TRIM44: variants seen among roughly 807,000 people sequenced by gnomAD.
TRIM44 encodes tripartite motif-containing protein 44.
In TRIM44, 13 loss-of-function variants were observed where a neutral mutation model predicts 37.4. That is an observed-to-expected ratio of 0.35 (90% CI 0.23 to 0.55). The LOEUF (loss-of-function observed/expected upper bound fraction) is 0.55. TRIM44 is among the 20% of genes least tolerant of loss of function. TRIM44 has a pLI of 0.89. For synonymous variants in TRIM44, 175 were observed against 157.2 expected (o/e 1.11, Z -0.85); for missense variants, 426 against 437.2 (o/e 0.97, Z 0.23).
At chr11:35,711,981 G>A (rs1232232271) in intron 2 of TRIM44, among the ~76,000 whole-genome samples, 1 of 152,130 alleles carries the variant, frequency 6.6e-6, no homozygotes, top group African/African-American at 2.4e-5. Context: ...GACACCAATT[G>A]CATGTTTTAA....
At chr11:35,764,424 A>G (rs1486429004) in intron 4 of TRIM44, among the ~76,000 whole-genome samples, 1 of 152,112 alleles carries the variant, frequency 6.6e-6, no homozygotes, top group Non-Finnish European at 1.5e-5. Flanking sequence ...TTAGTCGGAG[A>G]GGCGGCAGAA....
Position 35,663,003 on chromosome 11 carries a change from A to G in TRIM44, c.-109A>G. 1 of 1,412,916 alleles carries G rather than the reference A, an allele frequency of 7.1e-7. No individual in the cohort carries two copies. Among genetic ancestry groups the G allele is most frequent in the Non-Finnish European group, 9.2e-7 (1 of 1,088,848 alleles). The allele number at this position is 1,412,916 out of a possible 1,614,324, so 87.5% of individuals were successfully genotyped here. A position where few individuals can be genotyped will look rare whatever the true frequency, so the allele number is the denominator to read the frequency against. On this transcript the variant is annotated 5_prime_UTR_variant, in exon 1 of 5. Transcript: ENST00000299413. ...CGAGACGCGGCGCGGTCCAGGCGGG[A>G]GGCGACTCCCTAGGAAGGGACCCGG...
At chr11:35,666,451 A>T (rs1004885172) in intron 1 of TRIM44, among the ~76,000 whole-genome samples, 2 of 152,242 alleles carry the variant, frequency 1.3e-5, no homozygotes, top group Non-Finnish European at 2.9e-5. Context: ...AAGCCAATAT[A>T]GGGAGAATTA....
intron 3 of TRIM44, among the ~76,000 whole-genome samples, chr11:35,727,779 C>A (rs191254344): frequency 3.9e-5 from 6 of 152,284 alleles, no homozygotes; most frequent in Admixed American, 1.3e-4. Flanking sequence ...ATTTCAGTGC[C>A]TGTGCTTTCC....
Position 35,792,111 on chromosome 11 carries a change from A to ACACACACACACTCTCTCT in TRIM44, c.1008-14246_1008-14245insACACACACACTCTCTCTC, listed in dbSNP as rs796092540. Among the ~76,000 whole-genome samples, 205 of 114,340 alleles carry ACACACACACACTCTCTCT rather than the reference A, an allele frequency of 1.8e-3. 1 individual carries two copies. Among genetic ancestry groups the ACACACACACACTCTCTCT allele is most frequent in the African/African-American group, 4.0e-3 (107 of 26,946 alleles). The allele number at this position is 114,340 out of a possible 152,430, so 75.0% of individuals were successfully genotyped here. On this transcript the variant is annotated intron_variant, in intron 4 of 4. Coordinates refer to ENST00000299413, the MANE Select transcript of TRIM44 (RefSeq NM_017583.6). The stretch of plus-strand genomic sequence containing the variant: ...CACACACACACACACACACACACAC[A>ACACACACACACTCTCTCT]CTCTCTCTCATCATTCTCTATTCCA...
At chr11:35,736,758 A>G (rs1852330877) in intron 4 of TRIM44, among the ~76,000 whole-genome samples, 1 of 152,210 alleles carries the variant, frequency 6.6e-6, no homozygotes. Context: ...CTTTAAACCT[A>G]CAGGGTTTCA....
intron 4 of TRIM44, among the ~76,000 whole-genome samples, chr11:35,805,802 A>G (rs780609371): frequency 9.3e-5 from 13 of 139,058 alleles, no homozygotes; most frequent in Non-Finnish European, 1.8e-4. Context: ...GACATAAGAT[A>G]GAGAATCACC....
At chr11:35,699,603 G>C (rs1415963988) in intron 2 of TRIM44, among the ~76,000 whole-genome samples, 3 of 151,670 alleles carry the variant, frequency 2.0e-5, no homozygotes, top group Non-Finnish European at 2.9e-5. Context: ...TCCTGGCCAG[G>C]GCAATCAGGC....
At chr11:35,736,936 T>A (rs1484664521) in intron 4 of TRIM44, among the ~76,000 whole-genome samples, 2 of 152,306 alleles carry the variant, frequency 1.3e-5, no homozygotes, top group East Asian at 3.9e-4. Flanking sequence ...GGGTATATCA[T>A]GGTGACTAAA....
intron 4 of TRIM44, among the ~76,000 whole-genome samples, chr11:35,804,815 A>G (rs1008593677): frequency 2.0e-5 from 3 of 152,176 alleles, no homozygotes; most frequent in African/African-American, 7.2e-5. Flanking sequence ...GGAATGGTGA[A>G]GATTATTGAG....
Position 35,685,377 on chromosome 11 carries a change from G to T in TRIM44, c.747+41G>T, listed in dbSNP as rs375134376. 74 of 1,536,104 alleles carry T rather than the reference G, an allele frequency of 4.8e-5. No individual in the cohort carries two copies. In the African/African-American group the frequency reaches 9.1e-4, roughly 19 times the overall value. On this transcript the variant is annotated intron_variant, in intron 2 of 4. Transcript: ENST00000299413. Reference sequence around the variant, plus strand: ...AATTGATTGGGTGTTGGTACCCCAAGCATTTCATTCTCCTTGAGCTAAAAT... The same window carrying T: ...AATTGATTGGGTGTTGGTACCCCAATCATTTCATTCTCCTTGAGCTAAAAT...
chr11:35,670,279 A>G (rs1851378569), intron 1 of TRIM44, among the ~76,000 whole-genome samples: 1 of 152,246 alleles, frequency 6.6e-6, no homozygotes, highest in Non-Finnish European at 1.5e-5. Flanking sequence ...TACTCTGCTT[A>G]TCCTAATGTT....
At chr11:35,789,437 A>G (rs1437383838) in intron 4 of TRIM44, among the ~76,000 whole-genome samples, 1 of 152,202 alleles carries the variant, frequency 6.6e-6, no homozygotes, top group East Asian at 1.9e-4. Context: ...ATCACTTAAT[A>G]GTTTACCATG....
At chr11:35,788,472 C>T (rs566673091) in intron 4 of TRIM44, among the ~76,000 whole-genome samples, 5 of 152,040 alleles carry the variant, frequency 3.3e-5, no homozygotes. Context: ...TCTAGTATGG[C>T]GTTATATCAG....
chr11:35,682,329 G>T (rs1450549612), intron 1 of TRIM44, among the ~76,000 whole-genome samples: 2 of 152,022 alleles, frequency 1.3e-5, no homozygotes, highest in Non-Finnish European at 2.9e-5. Context: ...TCTCAGCTTG[G>T]ACCTGCTAGC....
At chr11:35,713,718 G>A (rs142908730) in intron 2 of TRIM44, among the ~76,000 whole-genome samples, 2 of 152,250 alleles carry the variant, frequency 1.3e-5, no homozygotes, top group African/African-American at 2.4e-5. Flanking sequence ...AGAGCACTGT[G>A]GTTCTTGGGT....
chr11:35,685,690 GTC>G (rs1851567224), intron 2 of TRIM44, among the ~76,000 whole-genome samples: 1 of 151,828 alleles, frequency 6.6e-6, no homozygotes, highest in African/African-American at 2.4e-5. Context: ...TTGAGACAGA[GTC>G]TCGCTCTGTT....
chr11:35,771,698 C>T (rs1852873037), intron 4 of TRIM44, among the ~76,000 whole-genome samples: 1 of 148,528 alleles, frequency 6.7e-6, no homozygotes, highest in South Asian at 2.1e-4. Flanking sequence ...GCTCTCCAGC[C>T]AGGGTGAGAG....
chr11:35,698,061 C>G (rs956668205), intron 2 of TRIM44, among the ~76,000 whole-genome samples: 16 of 151,558 alleles, frequency 1.1e-4, no homozygotes, highest in Non-Finnish European at 1.5e-4. Flanking sequence ...CTAGTTTACA[C>G]TCCCACCAAC....
Sources: allele counts gnomAD v4.1 joint callset (sites outside exome capture counted in the v4.1 genomes callset), GRCh38; gene constraint gnomAD v4.1.1; transcripts MANE v1.5; gene names NCBI Gene and HGNC (gene_info 2026-07-23, HGNC 2026-07-21).